Variants in TBC1D32 observed in about 807,000 individuals in gnomAD.
The protein encoded by TBC1D32 is TBC1 domain family member 32, also known as protein broad-minded.
TBC1D32 carries 151 observed loss-of-function variants against 170.3 expected under a neutral mutation model. The observed-to-expected ratio is 0.89, with a 90% CI of 0.78 to 1.01. The LOEUF is 1.01. TBC1D32 is among the 50% of genes least tolerant of loss of function. The probability of loss-of-function intolerance (pLI) is 0.00; values close to 1 mark genes in which losing one functional copy is unlikely to be tolerated. For missense variants in TBC1D32, 1,464 were observed against 1,457.1 expected (o/e 1.00, Z -0.08); for synonymous variants, 498 against 488.0 (o/e 1.02, Z -0.27).
At chr6:121,212,450 CTTTTTTT>C (rs3076854) in intron 21 of TBC1D32, among the ~76,000 whole-genome samples, 2 of 102,098 alleles carry the variant, frequency 2.0e-5, no homozygotes, top group South Asian at 3.4e-4. Flanking sequence ...GTCAATATCT[CTTTTTTT>C]TTTTTTTTTT....
chr6:121,255,937 A>G (rs1007460576), intron 16 of TBC1D32, 147 bp downstream of exon 16: 7 of 685,344 alleles, frequency 1.0e-5, no homozygotes, highest in Middle Eastern at 4.1e-4. Context: ...CCAAATTAAG[A>G]TGCATTATGT....
intron 20 of TBC1D32, among the ~76,000 whole-genome samples, chr6:121,227,224 A>T (rs1416566013): frequency 2.0e-5 from 3 of 152,162 alleles, no homozygotes; most frequent in Admixed American, 2.0e-4. Flanking sequence ...GACACTAAGA[A>T]TGCATTTAGA....
chr6:121,220,495 G>A (rs1794366435), intron 21 of TBC1D32, among the ~76,000 whole-genome samples: 1 of 152,114 alleles, frequency 6.6e-6, no homozygotes, highest in Non-Finnish European at 1.5e-5. Flanking sequence ...TAACAGGTTG[G>A]TTCATGGGAT....
intron 20 of TBC1D32, among the ~76,000 whole-genome samples, chr6:121,230,673 G>T (rs76740188): frequency 1.3e-5 from 2 of 150,906 alleles, no homozygotes; most frequent in South Asian, 4.2e-4. Context: ...ATACACACAC[G>T]TGTATATATA....
In TBC1D32 at chr6:121,255,443, C is replaced by T. The variant is rs886288075; in HGVS notation, c.1936-33G>A. 6.8e-6 allele frequency: 5 copies of T among 733,298 alleles called. No homozygotes were observed. The African/African-American group carries it at 1.6e-4, about 24-fold the overall frequency. 45.4% of individuals were successfully genotyped at this position (733,298 alleles called of 1,614,324 possible). On this transcript the variant is annotated intron_variant, in intron 16 of 31. Coordinates refer to ENST00000398212, the MANE Select transcript of TBC1D32 (RefSeq NM_152730.6). ...ATAGTAGAATAATTTATATTGCTTA[C>T]TGATAGCACTAGCCATATATTTATA...
At chr6:121,307,879 A>G in intron 5 of TBC1D32, 97 bp downstream of exon 5, 1 of 1,381,978 alleles carries the variant, frequency 7.2e-7, no homozygotes, top group Non-Finnish European at 9.7e-7. Context: ...AACAAAAAAG[A>G]AAAGAAAAGA....
intron 31 of TBC1D32, among the ~76,000 whole-genome samples, chr6:121,090,480 A>T (rs1489613621): frequency 6.6e-6 from 1 of 152,140 alleles, no homozygotes; most frequent in Non-Finnish European, 1.5e-5. Flanking sequence ...AGAAAAATAT[A>T]AAAATATGAA....
intron 12 of TBC1D32, among the ~76,000 whole-genome samples, chr6:121,291,212 G>A (rs910429017): frequency 7.2e-5 from 11 of 151,938 alleles, no homozygotes; most frequent in South Asian, 6.2e-4. Flanking sequence ...CAGTTTAGGC[G>A]GTGATCAGTG....
intron 9 of TBC1D32, 70 bp from the exon 10 acceptor site, chr6:121,299,575 T>A: frequency 1.4e-6 from 2 of 1,384,698 alleles, no homozygotes; most frequent in South Asian, 2.6e-5. Context: ...CCTGCATGAT[T>A]TCTAATGACA....
At chr6:121,092,707 C>T (rs961174028) in intron 30 of TBC1D32, among the ~76,000 whole-genome samples, 6 of 152,064 alleles carry the variant, frequency 3.9e-5, no homozygotes, top group African/African-American at 1.4e-4. Flanking sequence ...CATGGACTTC[C>T]CTTAGTACAT....
chr6:121,094,367 A>G (rs1441779299), intron 30 of TBC1D32, among the ~76,000 whole-genome samples: 3 of 151,922 alleles, frequency 2.0e-5, no homozygotes, highest in Non-Finnish European at 4.4e-5. Context: ...GGGTTTCACC[A>G]TGTTGGTCAG....
intron 22 of TBC1D32, among the ~76,000 whole-genome samples, chr6:121,173,191 A>G (rs1377606282): frequency 1.3e-5 from 2 of 152,146 alleles, no homozygotes; most frequent in African/African-American, 4.8e-5. Context: ...TGGAAAGACT[A>G]GACTGATTTA....
rs1351232613 is a variant in TBC1D32 at position 121,080,127 on chromosome 6, A to G, written c.*644T>C. The G allele has an allele frequency of 1.3e-5, 2 of 152,650 alleles. No homozygotes were observed. The highest frequency in any genetic ancestry group is 2.4e-5 in the African/African-American group (1 of 41,566). 9.5% of individuals were successfully genotyped at this position (152,650 alleles called of 1,614,324 possible). ...TCTTATGGGCTTTCTGCAGCTAGTC[A>G]AAATATTATTTACACTATTACTTCT... On this transcript the variant is annotated 3_prime_UTR_variant, in exon 32 of 32. Transcript: ENST00000398212.
At chr6:121,123,333 A>T (rs1780473822) in intron 26 of TBC1D32, among the ~76,000 whole-genome samples, 1 of 152,108 alleles carries the variant, frequency 6.6e-6, no homozygotes, top group Admixed American at 6.6e-5. Flanking sequence ...GGCCAAAAGT[A>T]GAGTGAAGTC....
At chr6:121,115,610 G>C (rs1272706115) in intron 26 of TBC1D32, 1 of 158,384 alleles carries the variant, frequency 6.3e-6, no homozygotes, top group Non-Finnish European at 1.4e-5. Flanking sequence ...ATATATACAA[G>C]AATGGTTATT....
intron 22 of TBC1D32, among the ~76,000 whole-genome samples, chr6:121,181,058 G>T (rs925692660): frequency 6.6e-6 from 1 of 151,982 alleles, no homozygotes; most frequent in African/African-American, 2.4e-5. Context: ...CACTTCAGTT[G>T]GAATGGCTAT....
chr6:121,143,279 C>A (rs1783026785), intron 24 of TBC1D32, among the ~76,000 whole-genome samples: 1 of 152,022 alleles, frequency 6.6e-6, no homozygotes, highest in Non-Finnish European at 1.5e-5. Context: ...CATACATACA[C>A]AGAGAATGTA....
At chr6:121,217,160 G>A (rs983697110) in intron 21 of TBC1D32, among the ~76,000 whole-genome samples, 1 of 152,214 alleles carries the variant, frequency 6.6e-6, no homozygotes, top group African/African-American at 2.4e-5. Context: ...TCAAACTGCA[G>A]CTGCTGTACC....
intron 30 of TBC1D32, among the ~76,000 whole-genome samples, chr6:121,096,712 G>T (rs1019846146): frequency 1.3e-5 from 2 of 152,182 alleles, no homozygotes; most frequent in African/African-American, 4.8e-5. Context: ...AGTTCATACG[G>T]AACCAAAAAA....
Sources: allele counts gnomAD v4.1 joint callset (sites outside exome capture counted in the v4.1 genomes callset), GRCh38; gene constraint gnomAD v4.1.1; transcripts MANE v1.5; gene names NCBI Gene and HGNC (gene_info 2026-07-23, HGNC 2026-07-21).